Variants in NLK observed in about 807,000 individuals in gnomAD.
NLK encodes nemo like kinase, also known as serine/threonine-protein kinase NLK.
A neutral mutation model predicts 59.0 loss-of-function variants in NLK; 11 were observed. The ratio of observed to expected loss-of-function variants is 0.19; its 90% CI spans 0.12 to 0.31. NLK has a LOEUF of 0.31. NLK is among the 10% of genes least tolerant of loss of function. The pLI is 1.00. For missense variants in NLK, 410 were observed against 661.1 expected, an observed-to-expected ratio of 0.62 and a Z score of 4.16; for synonymous variants, 235 against 235.9, an observed-to-expected ratio of 1.00 and a Z score of 0.03.
intron 3 of NLK, among the ~76,000 whole-genome samples, chr17:28,145,046 C>A (rs1907186784): frequency 6.6e-6 from 1 of 152,126 alleles, no homozygotes; most frequent in African/African-American, 2.4e-5. Context: ...AAGTATTAAT[C>A]AAAAATATTG....
At chr17:28,129,855 A>T (rs1906447031) in intron 2 of NLK, among the ~76,000 whole-genome samples, 1 of 152,158 alleles carries the variant, frequency 6.6e-6, no homozygotes, top group African/African-American at 2.4e-5. Flanking sequence ...ACTGAGACTA[A>T]GCTATTTTCT....
At chr17:28,146,392 TGATGATGATGATGAC>T (rs1279750489) in intron 3 of NLK, among the ~76,000 whole-genome samples, 115 of 151,488 alleles carry the variant, frequency 7.6e-4, no homozygotes, top group African/African-American at 2.7e-3. Flanking sequence ...TTGATGATGA[TGATGATGATGATGAC>T]GATGATGATG....
chr17:28,183,930 C>G (rs990729355), intron 7 of NLK, among the ~76,000 whole-genome samples: 3 of 152,112 alleles, frequency 2.0e-5, no homozygotes, highest in Admixed American at 1.3e-4. Context: ...TTAATTCTGC[C>G]TTTTTTATGT....
intron 1 of NLK, among the ~76,000 whole-genome samples, chr17:28,099,657 C>G (rs1422625979): frequency 1.3e-5 from 2 of 148,424 alleles, no homozygotes; most frequent in African/African-American, 5.0e-5. Context: ...CGGCTCACTG[C>G]AAGCTCCGCT....
intron 3 of NLK, among the ~76,000 whole-genome samples, chr17:28,146,798 A>T (rs1907274572): frequency 6.6e-6 from 1 of 152,164 alleles, no homozygotes; most frequent in Non-Finnish European, 1.5e-5. Context: ...GAGTACAAGA[A>T]CGAGGGCTGT....
At chr17:28,116,619 T>C (rs903112685) in intron 1 of NLK, among the ~76,000 whole-genome samples, 3 of 152,238 alleles carry the variant, frequency 2.0e-5, no homozygotes, top group Admixed American at 6.5e-5. Flanking sequence ...ACTTTATTTC[T>C]AAATTCATTA....
chr17:28,188,376 T>A (rs1341854759), intron 8 of NLK, among the ~76,000 whole-genome samples: 1 of 152,288 alleles, frequency 6.6e-6, no homozygotes, highest in Non-Finnish European at 1.5e-5. Flanking sequence ...GGATTTTTTT[T>A]ATTTCCAGTT....
chr17:28,163,941 T>C (rs1327265123), intron 5 of NLK, among the ~76,000 whole-genome samples: 1 of 152,216 alleles, frequency 6.6e-6, no homozygotes, highest in Non-Finnish European at 1.5e-5. Flanking sequence ...GAAGAAATAT[T>C]AGAACAGCAA....
intron 1 of NLK, among the ~76,000 whole-genome samples, chr17:28,122,374 T>C (rs541116479): frequency 6.9e-6 from 1 of 145,608 alleles, no homozygotes; most frequent in South Asian, 2.2e-4. Context: ...TAGACAGGGA[T>C]TTTTTTTTTT....
chr17:28,064,617 T>C (rs1909768054), intron 1 of NLK, among the ~76,000 whole-genome samples: 1 of 152,166 alleles, frequency 6.6e-6, no homozygotes, highest in Admixed American at 6.5e-5. Flanking sequence ...AGGCTGTCCT[T>C]GAACTCCTAG....
chr17:28,061,327 C>G (rs900196450), intron 1 of NLK, among the ~76,000 whole-genome samples: 2 of 152,186 alleles, frequency 1.3e-5, no homozygotes, highest in Non-Finnish European at 2.9e-5. Context: ...GAAAAATGGT[C>G]TTGAACGAAC....
chr17:28,043,065 A>T lies in NLK; in HGVS notation c.192A>T (p.Val64=), dbSNP rs745307015. The T allele has an allele frequency of 6.4e-7, 1 of 1,566,098 alleles. No individual in the cohort carries two copies. The highest frequency in any genetic ancestry group is 8.7e-7 in the Non-Finnish European group (1 of 1,154,640). ...GGTCGGCTGCCGCTGTACACCCTGT[A>T]CAGCAGCACACCTCTTCGGCAGCTG... ...HPGSAAAVHP[V]QQHTSSAAAA... is the part of the protein sequence containing the mutation. The change falls in exon 1 of 11, where the codon GTA becomes GTT. Residue 64 remains valine (V), a synonymous_variant. Coordinates refer to ENST00000407008, the MANE Select transcript of NLK (RefSeq NM_016231.5).
chr17:28,204,410 C>G, the NLK span, among the ~76,000 whole-genome samples: 1 of 152,178 alleles, frequency 6.6e-6, no homozygotes, highest in Non-Finnish European at 1.5e-5. Context: ...GAACTGCTTT[C>G]TTCTTTGATG....
chr17:28,074,728 T>C (rs924001670), intron 1 of NLK, among the ~76,000 whole-genome samples: 7 of 152,092 alleles, frequency 4.6e-5, no homozygotes, highest in Admixed American at 2.6e-4. Flanking sequence ...TTTGAAGATA[T>C]ATAGATGGGA....
At chr17:28,112,453 G>A (rs774590758) in intron 1 of NLK, among the ~76,000 whole-genome samples, 14 of 152,104 alleles carry the variant, frequency 9.2e-5, no homozygotes, top group Non-Finnish European at 1.0e-4. Context: ...GACCCAAGCT[G>A]TGACTCCCAC....
chr17:28,146,732 C>G (rs1907271938), intron 3 of NLK, among the ~76,000 whole-genome samples: 1 of 152,100 alleles, frequency 6.6e-6, no homozygotes, highest in Non-Finnish European at 1.5e-5. Context: ...TTGTTTTGTT[C>G]TTACCTCTTT....
intron 1 of NLK, among the ~76,000 whole-genome samples, chr17:28,071,969 A>G (rs750311212): frequency 4.6e-5 from 7 of 152,184 alleles, no homozygotes; most frequent in Non-Finnish European, 1.0e-4. Context: ...TAGTTCATTT[A>G]CGTTCTTTGA....
chr17:28,065,401 A>G (rs1399319512), intron 1 of NLK, among the ~76,000 whole-genome samples: 1 of 152,022 alleles, frequency 6.6e-6, no homozygotes, highest in African/African-American at 2.4e-5. Flanking sequence ...GTGTTTGGGG[A>G]CCTGGAATTG....
chr17:28,085,229 T>C (rs1367480396), intron 1 of NLK, among the ~76,000 whole-genome samples: 1 of 152,184 alleles, frequency 6.6e-6, no homozygotes, highest in Non-Finnish European at 1.5e-5. Context: ...GGTGACACTA[T>C]TCTGTTAGCA....
Sources: allele counts gnomAD v4.1 joint callset (sites outside exome capture counted in the v4.1 genomes callset), GRCh38; gene constraint gnomAD v4.1.1; transcripts MANE v1.5; gene names NCBI Gene and HGNC (gene_info 2026-07-23, HGNC 2026-07-21).